VCAN: variants seen among roughly 807,000 people sequenced by gnomAD.
VCAN encodes the protein versican.
In VCAN, 44 loss-of-function variants were observed where a neutral mutation model predicts 245.5. That is an observed-to-expected ratio of 0.18 (90% CI 0.14 to 0.23). The LOEUF is 0.23. Among genes scored for constraint, VCAN ranks in the 10% least tolerant of loss-of-function variants. VCAN has a pLI of 1.00. For synonymous variants in VCAN, 1,413 were observed against 1,437.0 expected (o/e 0.98, Z 0.38); for missense variants, 3,793 against 4,057.9 (o/e 0.93, Z 1.77).
In VCAN at chr5:83,537,009, C is replaced by A; in HGVS notation, c.4006C>A (p.Arg1336=). 1 of 1,582,370 alleles carries A rather than the reference C, an allele frequency of 6.3e-7. No homozygotes were observed. Among genetic ancestry groups the A allele is most frequent in the South Asian group, 1.2e-5 (1 of 85,298 alleles). The change falls in exon 8 of 15, where the codon CGA becomes AGA. Residue 1336 remains arginine (R), a splice_region_variant and synonymous_variant. Transcript: ENST00000265077. ...TGTGAAAACTCTGTTTTTTTCAGGT[C>A]GAATGAGTGATTTGAGTGTAATTGG... ...IIEVRENKTG[R]MSDLSVIGHP...
chr5:83,569,783 C>T (rs186349383), intron 12 of VCAN, among the ~76,000 whole-genome samples: 183 of 152,114 alleles, frequency 1.2e-3, no homozygotes, highest in East Asian at 2.9e-3. Flanking sequence ...TAATATTTGG[C>T]GAACTCTGGA....
intron 1 of VCAN, among the ~76,000 whole-genome samples, chr5:83,473,823 T>C (rs1744287292): frequency 6.6e-6 from 1 of 152,138 alleles, no homozygotes; most frequent in African/African-American, 2.4e-5. Flanking sequence ...AAGGCCCTAG[T>C]TTTCCCTTAA....
At chr5:83,557,521 G>A (rs1487972593) in intron 12 of VCAN, among the ~76,000 whole-genome samples, 1 of 152,084 alleles carries the variant, frequency 6.6e-6, no homozygotes, top group Non-Finnish European at 1.5e-5. Context: ...ATACAGGTGA[G>A]CTTGATTCAT....
chr5:83,533,231 C>A (rs1458364747), intron 7 of VCAN, among the ~76,000 whole-genome samples: 1 of 152,100 alleles, frequency 6.6e-6, no homozygotes, highest in Non-Finnish European at 1.5e-5. Context: ...TTTCTGTTTT[C>A]TATCATTTTG....
intron 6 of VCAN, among the ~76,000 whole-genome samples, chr5:83,514,126 A>C (rs1373751211): frequency 1.3e-5 from 2 of 152,216 alleles, no homozygotes; most frequent in Non-Finnish European, 2.9e-5. Flanking sequence ...AAATAGAGTA[A>C]CCAAAATCTG....
chr5:83,540,850 G>A lies in VCAN; in HGVS notation c.7847G>A (p.Ser2616Asn), dbSNP rs1746946811. The change falls in exon 8 of 15, where the codon AGC becomes AAC. Residue 2616 changes from serine (S) to asparagine (N), a missense_variant. Ser to Asn is a conservative substitution (Grantham distance 46). Coordinates refer to ENST00000265077, the MANE Select transcript of VCAN (RefSeq NM_004385.5). ...AGTAATGATGAAAGTAATGATGACA[G>A]CACTCAAGTTCAAGAGATCTATGAG... ...HDSNDESNDDSTQVQEIYEAA... is the reference protein window; with the variant it reads ...HDSNDESNDDNTQVQEIYEAA... The A allele has an allele frequency of 6.2e-7, 1 of 1,613,984 alleles. No individual in the cohort carries two copies. Among genetic ancestry groups the A allele is most frequent in the South Asian group, 1.1e-5 (1 of 91,080 alleles).
At chr5:83,475,770 TC>T (rs1381063494) in intron 1 of VCAN, among the ~76,000 whole-genome samples, 2 of 152,208 alleles carry the variant, frequency 1.3e-5, no homozygotes, top group East Asian at 3.8e-4. Flanking sequence ...AAGTCCACAG[TC>T]CTTAATCTTC....
chr5:83,553,625 A>G lies in VCAN; in HGVS notation c.9652+103A>G. On this transcript the variant is annotated intron_variant, in intron 11 of 14. Coordinates refer to ENST00000265077, the MANE Select transcript of VCAN (RefSeq NM_004385.5). ...AAGAAGTAGCTTTTTCAATCATAAT[A>G]CAACTTATCAAATCCCTCATCTGTG... is the stretch of plus-strand genomic sequence containing the variant. 3 of 1,446,838 alleles carry G rather than the reference A, an allele frequency of 2.1e-6. No homozygotes were observed. The Admixed American group carries it at 5.6e-5, about 27-fold the overall frequency. 89.6% of individuals were successfully genotyped at this position (1,446,838 alleles called of 1,614,324 possible). A position where few individuals can be genotyped will look rare whatever the true frequency, so the allele number is the denominator to read the frequency against.
intron 10 of VCAN, among the ~76,000 whole-genome samples, chr5:83,550,991 A>C (rs545846184): frequency 6.8e-6 from 1 of 147,406 alleles, no homozygotes; most frequent in Admixed American, 6.7e-5. Flanking sequence ...ATATATTTAT[A>C]GTCATTGGGA....
chr5:83,566,755 C>T (rs1748091733), intron 12 of VCAN, among the ~76,000 whole-genome samples: 1 of 152,154 alleles, frequency 6.6e-6, no homozygotes, highest in South Asian at 2.1e-4. Flanking sequence ...GCACAGAAGT[C>T]ATGTGCACTG....
chr5:83,472,958 C>G (rs578258867), intron 1 of VCAN, among the ~76,000 whole-genome samples: 1 of 152,314 alleles, frequency 6.6e-6, no homozygotes, highest in Non-Finnish European at 1.5e-5. Flanking sequence ...AAAGGTGGCT[C>G]GGGGACCCGA....
Position 83,537,220 on chromosome 5 carries a change from C to A in VCAN, c.4217C>A (p.Pro1406Gln), listed in dbSNP as rs1746753093. 1 of 1,613,616 alleles carries A rather than the reference C, an allele frequency of 6.2e-7. No homozygotes were observed. Residue 1406 changes from proline to glutamine, a missense_variant, in exon 8 of 15, where the codon CCA becomes CAA. Transcript: ENST00000265077. ...CANATDVTTTPSVQYINGKHL... is the reference protein window; with the variant it reads ...CANATDVTTTQSVQYINGKHL... ...AATGCTACTGATGTGACAACCACCC[C>A]ATCTGTGCAGTACATAAATGGGAAG...
rs1475798567 is a variant in VCAN, at chr5:83,519,877, G to A, written c.1571G>A (p.Arg524Lys). Residue 524 changes from arginine (R) to lysine (K), a missense_variant, in exon 7 of 15, where the codon AGA becomes AAA. By Grantham distance (26) the Arg-to-Lys change is conservative. Coordinates refer to ENST00000265077, the MANE Select transcript of VCAN (RefSeq NM_004385.5). ...PVTETPLVTA[R>K]MILESKTEKK... ...ACTGAAACACCATTGGTAACTGCAA[G>A]AATGATCCTGGAATCCAAAACTGAA... 1.2e-6 allele frequency: 2 copies of A among 1,614,120 alleles called. No homozygotes were observed. Among genetic ancestry groups the A allele is most frequent in the South Asian group, 2.2e-5 (2 of 91,084 alleles).
In VCAN at chr5:83,492,664, C is replaced by T. The variant is rs77475183; in HGVS notation, c.446-882C>T. ...ACTAGTTTATACCACCCCTAAAATA[C>T]AACAAAGTGGAATTTGAGGCAAGTA... On this transcript the variant is annotated intron_variant, in intron 3 of 14. Transcript: ENST00000265077. Among the ~76,000 whole-genome samples the T allele has an allele frequency of 6.6e-5, 10 of 152,270 alleles. No homozygotes were observed. In the East Asian group the frequency reaches 1.9e-3, roughly 29 times the overall value.
rs757917639 is a variant in VCAN, at chr5:83,490,092, C to T, written c.71-6C>T. Reference sequence around the variant, plus strand: ...TTGTTAATTTGTTATTTTCTCTTTCCTCTAGTCAAAGTGGGAAAAAGCCCA... The same window carrying T: ...TTGTTAATTTGTTATTTTCTCTTTCTTCTAGTCAAAGTGGGAAAAAGCCCA... On this transcript the variant is annotated splice_region_variant and splice_polypyrimidine_tract_variant and intron_variant, in intron 2 of 14. Transcript: ENST00000265077. 6.8e-6 allele frequency: 11 copies of T among 1,613,534 alleles called. No homozygotes were observed. Among genetic ancestry groups the T allele is most frequent in the African/African-American group, 2.7e-5 (2 of 74,958 alleles).
At position 83,490,339 on chromosome 5, in the gene VCAN, C is replaced by T. The variant is rs566012054; in HGVS notation, c.312C>T (p.Pro104=). The T allele has an allele frequency of 6.2e-7, 1 of 1,614,178 alleles. No individual in the cohort carries two copies. The highest frequency in any genetic ancestry group is 2.2e-5 in the East Asian group (1 of 44,874). Residue 104 remains proline (P), a synonymous_variant, in exon 3 of 15, where the codon CCC becomes CCT. Transcript: ENST00000265077. ...ACTACAAAGGGAGAGTGTCTGTGCCCACACATCCCGAGGCTGTGGGCGATG... is the reference window on the plus strand; with the variant it reads ...ACTACAAAGGGAGAGTGTCTGTGCCTACACATCCCGAGGCTGTGGGCGATG... ...GQDYKGRVSV[P]THPEAVGDAS...
chr5:83,577,018 T>C (rs1580083590), intron 13 of VCAN, among the ~76,000 whole-genome samples: 3 of 152,178 alleles, frequency 2.0e-5, no homozygotes, highest in East Asian at 3.8e-4. Flanking sequence ...AGTTTGTTGC[T>C]TGACTTCACC....
chr5:83,577,584 A>G (rs906336955), intron 13 of VCAN, among the ~76,000 whole-genome samples: 2 of 152,126 alleles, frequency 1.3e-5, no homozygotes, highest in African/African-American at 4.8e-5. Flanking sequence ...TTATCAAATT[A>G]TTTCTGCCTC....
At chr5:83,509,550 T>C (rs1186257035) in intron 5 of VCAN, among the ~76,000 whole-genome samples, 4 of 152,220 alleles carry the variant, frequency 2.6e-5, no homozygotes, top group Non-Finnish European at 5.9e-5. Context: ...ATTATATTTC[T>C]TTGCCCTTCC....
Sources: allele counts gnomAD v4.1 joint callset (sites outside exome capture counted in the v4.1 genomes callset), GRCh38; gene constraint gnomAD v4.1.1; transcripts MANE v1.5; gene names NCBI Gene and HGNC (gene_info 2026-07-23, HGNC 2026-07-21).